ADGRB3: variants seen among roughly 807,000 people sequenced by gnomAD.
The protein encoded by ADGRB3 is brain-specific angiogenesis inhibitor 3.
In ADGRB3, 37 loss-of-function variants were observed where a neutral mutation model predicts 193.4. The observed-to-expected ratio is 0.19, with a 90% CI of 0.15 to 0.25. The LOEUF is 0.25. ADGRB3 is among the 10% of genes least tolerant of loss of function. ADGRB3 has a pLI of 1.00. For missense variants in ADGRB3, 1,637 were observed against 1,852.9 expected, an observed-to-expected ratio of 0.88 and a Z score of 2.14; for synonymous variants, 690 against 644.2, an observed-to-expected ratio of 1.07 and a Z score of -1.08.
chr6:69,301,902 C>G (rs182508668), intron 20 of ADGRB3, among the ~76,000 whole-genome samples: 15 of 151,976 alleles, frequency 9.9e-5, no homozygotes, highest in African/African-American at 9.6e-5. Flanking sequence ...CAAGAAAATG[C>G]AAAGTCATTG....
chr6:68,836,968 C>T (rs1312536759), intron 3 of ADGRB3, among the ~76,000 whole-genome samples: 2 of 152,074 alleles, frequency 1.3e-5, no homozygotes, highest in Non-Finnish European at 2.9e-5. Flanking sequence ...AAGTAACCTG[C>T]CTTTTGAGGA....
At chr6:69,067,729 T>C (rs886647674) in intron 16 of ADGRB3, among the ~76,000 whole-genome samples, 3 of 152,136 alleles carry the variant, frequency 2.0e-5, no homozygotes, top group Non-Finnish European at 4.4e-5. Context: ...AGTCTTGAAA[T>C]GCTACTAGAC....
At chr6:69,325,900 A>G (rs1185219438) in intron 21 of ADGRB3, among the ~76,000 whole-genome samples, 1 of 152,204 alleles carries the variant, frequency 6.6e-6, no homozygotes, top group Non-Finnish European at 1.5e-5. Context: ...TGGAAAAGCA[A>G]TTAATAAGAA....
chr6:69,039,889 G>T (rs549662179), intron 13 of ADGRB3, among the ~76,000 whole-genome samples: 1 of 151,510 alleles, frequency 6.6e-6, no homozygotes, highest in Non-Finnish European at 1.5e-5. Flanking sequence ...CTACAGGCGC[G>T]TGCCACCACA....
chr6:69,020,147 A>C (rs1480892333), intron 13 of ADGRB3, among the ~76,000 whole-genome samples: 1 of 151,994 alleles, frequency 6.6e-6, no homozygotes, highest in Non-Finnish European at 1.5e-5. Flanking sequence ...AAAACAGAGA[A>C]CTATTGTTTT....
At chr6:68,763,216 G>C (rs974975130) in intron 3 of ADGRB3, among the ~76,000 whole-genome samples, 16 of 152,000 alleles carry the variant, frequency 1.1e-4, no homozygotes, top group African/African-American at 3.9e-4. Flanking sequence ...TCAGCTTCTC[G>C]AGTACATGGG....
intron 17 of ADGRB3, among the ~76,000 whole-genome samples, chr6:69,110,787 T>C (rs184408453): frequency 8.3e-4 from 127 of 152,182 alleles, no homozygotes; most frequent in Admixed American, 4.6e-4. Context: ...AGCAGGAAAA[T>C]TAGCAACCTT....
intron 3 of ADGRB3, among the ~76,000 whole-genome samples, chr6:68,771,890 A>G (rs552548335): frequency 6.6e-6 from 1 of 152,228 alleles, no homozygotes; most frequent in East Asian, 1.9e-4. Context: ...TCCAGGTTCA[A>G]TTGCAATCAG....
intron 30 of ADGRB3, among the ~76,000 whole-genome samples, chr6:69,376,211 C>A (rs963549375): frequency 6.7e-6 from 1 of 149,812 alleles, no homozygotes; most frequent in Admixed American, 6.7e-5. Flanking sequence ...TCATGTCAGC[C>A]TCCTAGTAGC....
At chr6:68,684,266 C>T (rs1324117515) in intron 3 of ADGRB3, among the ~76,000 whole-genome samples, 1 of 152,110 alleles carries the variant, frequency 6.6e-6, no homozygotes, top group African/African-American at 2.4e-5. Context: ...TCTACCTTGT[C>T]AGTCTTACAT....
intron 19 of ADGRB3, among the ~76,000 whole-genome samples, chr6:69,238,290 C>G (rs1444436545): frequency 6.6e-6 from 1 of 152,064 alleles, no homozygotes; most frequent in Non-Finnish European, 1.5e-5. Flanking sequence ...GTTACTGTCA[C>G]TCAGTGATTT....
At chr6:69,104,062 T>C (rs973846021) in intron 17 of ADGRB3, among the ~76,000 whole-genome samples, 2 of 152,048 alleles carry the variant, frequency 1.3e-5, no homozygotes, top group African/African-American at 4.8e-5. Context: ...ATACTTTAAG[T>C]TTTAGGGTAC....
chr6:68,896,110 C>G (rs1196885740), intron 3 of ADGRB3, among the ~76,000 whole-genome samples: 1 of 152,030 alleles, frequency 6.6e-6, no homozygotes, highest in African/African-American at 2.4e-5. Context: ...AACATACACA[C>G]TTGGTAAGGA....
intron 17 of ADGRB3, among the ~76,000 whole-genome samples, chr6:69,210,109 T>TACAC (rs151244765): frequency 2.2e-5 from 3 of 134,452 alleles, no homozygotes; most frequent in Non-Finnish European, 3.1e-5. Context: ...TGTATATAGA[T>TACAC]ACACACACAC....
Position 68,996,209 on chromosome 6 carries a change from T to C in ADGRB3, c.1929+2247T>C, listed in dbSNP as rs1054553138. Among the ~76,000 whole-genome samples, 14 of 152,158 alleles carry C rather than the reference T, an allele frequency of 9.2e-5. 1 individual carries two copies. The highest frequency in any genetic ancestry group is 7.9e-4 in the Admixed American group (12 of 15,282). On this transcript the variant is annotated intron_variant, in intron 11 of 31. Coordinates refer to ENST00000370598, the MANE Select transcript of ADGRB3 (RefSeq NM_001704.3). ...TGACTTTTTCCTTTTCTCTTTTCTC[T>C]TGGGTCTGCCTACTTAATGCCTCTT...
chr6:69,065,762 T>TACAC (rs1307673486), intron 16 of ADGRB3, among the ~76,000 whole-genome samples: 1,380 of 124,702 alleles, frequency 0.011, 7 homozygotes, highest in Middle Eastern at 0.015. Context: ...CATGTATATA[T>TACAC]ATACACACAC....
intron 26 of ADGRB3, among the ~76,000 whole-genome samples, chr6:69,350,171 T>C (rs940823336): frequency 1.3e-5 from 2 of 152,152 alleles, no homozygotes; most frequent in African/African-American, 4.8e-5. Flanking sequence ...TCAGGAGTTT[T>C]TAGAGCAACC....
chr6:68,688,812 C>G (rs563195931), intron 3 of ADGRB3, among the ~76,000 whole-genome samples: 2 of 152,104 alleles, frequency 1.3e-5, no homozygotes, highest in East Asian at 1.9e-4. Context: ...AAATTTAGAA[C>G]GCACCTTTAA....
chr6:69,026,536 A>G (rs1428206023), intron 13 of ADGRB3, among the ~76,000 whole-genome samples: 1 of 152,144 alleles, frequency 6.6e-6, no homozygotes, highest in African/African-American at 2.4e-5. Flanking sequence ...GCTAAAAGGT[A>G]TTTGTCTGAG....
Sources: allele counts gnomAD v4.1 joint callset (sites outside exome capture counted in the v4.1 genomes callset), GRCh38; gene constraint gnomAD v4.1.1; transcripts MANE v1.5; gene names NCBI Gene and HGNC (gene_info 2026-07-23, HGNC 2026-07-21).